Variants in LARGE1 observed in about 807,000 individuals in gnomAD.
LARGE1 encodes LARGE xylosyl- and glucuronyltransferase 1.
LARGE1 carries 43 observed loss-of-function variants against 87.6 expected under a neutral mutation model. The observed-to-expected ratio is 0.49, with a 90% confidence interval of 0.38 to 0.63. LARGE1 has a LOEUF of 0.63. Ranked by LOEUF, LARGE1 falls within the 30% of genes least tolerant of loss-of-function variation. The pLI, the probability that LARGE1 is intolerant of heterozygous loss-of-function variation, is 0.00. For missense variants in LARGE1, 802 were observed against 1,000.2 expected (o/e 0.80, Z 2.67); for synonymous variants, 434 against 394.6 (o/e 1.10, Z -1.18).
intron 2 of LARGE1, among the ~76,000 whole-genome samples, chr22:33,724,570 T>C (rs924286494): frequency 6.6e-6 from 1 of 152,160 alleles, no homozygotes; most frequent in African/African-American, 2.4e-5. Context: ...TGATATAATG[T>C]AGACCAAACT....
At chr22:33,108,148 A>G in the LARGE1 span, among the ~76,000 whole-genome samples, 1 of 152,190 alleles carries the variant, frequency 6.6e-6, no homozygotes, top group African/African-American at 2.4e-5. Context: ...GTAATGCAGC[A>G]CATAAGGCAC....
At chr22:33,583,417 C>T (rs190107803) in intron 5 of LARGE1, among the ~76,000 whole-genome samples, 5 of 152,298 alleles carry the variant, frequency 3.3e-5, no homozygotes, top group Admixed American at 2.6e-4. Flanking sequence ...TACTCATCTA[C>T]CAAGATTCCT....
At chr22:33,171,670 G>A (rs1922579376) in intron 11 of LARGE1, among the ~76,000 whole-genome samples, 1 of 152,236 alleles carries the variant, frequency 6.6e-6, no homozygotes, top group African/African-American at 2.4e-5. Flanking sequence ...TGATAGGCCT[G>A]AGAGTGCGCA....
chr22:33,688,860 T>C (rs867128), intron 2 of LARGE1, among the ~76,000 whole-genome samples: 73,551 of 151,704 alleles, frequency 0.48, 18,728 homozygotes, highest in Middle Eastern at 0.68. Context: ...TTCTGATTGG[T>C]AGGGCACGCT....
At chr22:33,841,308 T>C (rs1377969132) in intron 1 of LARGE1, among the ~76,000 whole-genome samples, 1 of 151,958 alleles carries the variant, frequency 6.6e-6, no homozygotes, top group Non-Finnish European at 1.5e-5. Flanking sequence ...TGACAGAAAA[T>C]CCAACTCAAA....
chr22:33,564,671 C>G (rs980973379), intron 6 of LARGE1, among the ~76,000 whole-genome samples, 177 bp downstream of exon 6: 1 of 152,218 alleles, frequency 6.6e-6, no homozygotes, highest in Non-Finnish European at 1.5e-5. Context: ...CTGTTTTACT[C>G]TATTATTTTT....
intron 11 of LARGE1, among the ~76,000 whole-genome samples, chr22:33,259,347 CAA>C (rs1352003322): frequency 2.9e-5 from 4 of 138,516 alleles, no homozygotes; most frequent in Non-Finnish European, 6.1e-5. Flanking sequence ...CACACACACA[CAA>C]ACACACACAT....
At chr22:33,791,142 G>A (rs1159291013) in intron 1 of LARGE1, among the ~76,000 whole-genome samples, 1 of 152,172 alleles carries the variant, frequency 6.6e-6, no homozygotes, top group Non-Finnish European at 1.5e-5. Flanking sequence ...AATGAGAAAA[G>A]CTCATGAGCG....
At chr22:33,197,479 TATC>T (rs1159629694) in intron 11 of LARGE1, among the ~76,000 whole-genome samples, 1 of 152,060 alleles carries the variant, frequency 6.6e-6, no homozygotes, top group African/African-American at 2.4e-5. Flanking sequence ...TCAATTGTCT[TATC>T]TTCTAGAAAT....
intron 1 of LARGE1, among the ~76,000 whole-genome samples, chr22:33,822,051 T>C (rs2086842233): frequency 1.3e-5 from 2 of 151,094 alleles, no homozygotes; most frequent in South Asian, 2.1e-4. Context: ...CTATAATAAA[T>C]ATATTCTAAA....
chr22:33,803,802 G>C (rs570619756), intron 1 of LARGE1, among the ~76,000 whole-genome samples: 2 of 152,196 alleles, frequency 1.3e-5, no homozygotes, highest in Non-Finnish European at 2.9e-5. Context: ...TTTTCACCCA[G>C]GACTGGTTAG....
chr22:33,601,914 A>G (rs1285140627), intron 5 of LARGE1, among the ~76,000 whole-genome samples: 1 of 152,226 alleles, frequency 6.6e-6, no homozygotes, highest in East Asian at 1.9e-4. Context: ...TGACAGAGTC[A>G]GAGCATCAGT....
intron 9 of LARGE1, among the ~76,000 whole-genome samples, chr22:33,368,329 T>A (rs2064671517): frequency 6.6e-6 from 1 of 151,438 alleles, no homozygotes; most frequent in African/African-American, 2.4e-5. Context: ...AGGTCAAGAG[T>A]TTGAGACCAG....
chr22:33,579,308 G>T (rs1456692670), intron 5 of LARGE1, among the ~76,000 whole-genome samples: 1 of 152,192 alleles, frequency 6.6e-6, no homozygotes, highest in Non-Finnish European at 1.5e-5. Flanking sequence ...TGTAAGATGG[G>T]ACTTGCTCCT....
chr22:33,791,385 C>G (rs2145986383), intron 1 of LARGE1, among the ~76,000 whole-genome samples: 1 of 152,258 alleles, frequency 6.6e-6, no homozygotes. Flanking sequence ...TCAGTAATTT[C>G]CATGGATTAT....
chr22:33,722,473 G>A (rs1432963513), intron 2 of LARGE1, among the ~76,000 whole-genome samples: 1 of 152,154 alleles, frequency 6.6e-6, no homozygotes, highest in Non-Finnish European at 1.5e-5. Flanking sequence ...AAAAATAACA[G>A]TAACAAATAT....
At chr22:33,274,717 A>G in intron 14 of LARGE1, 93 bp from the exon 15 acceptor site, 1 of 1,138,632 alleles carries the variant, frequency 8.8e-7, no homozygotes, top group Non-Finnish European at 1.3e-6. Flanking sequence ...CTAGTGAATG[A>G]ATGACTTGAT....
chr22:33,388,569 AT>A (rs992860804), intron 7 of LARGE1, among the ~76,000 whole-genome samples: 1 of 151,880 alleles, frequency 6.6e-6, no homozygotes, highest in East Asian at 1.9e-4. Context: ...GGCTTTTTAA[AT>A]TTTTTTATTT....
At chr22:33,727,372 G>T (rs2149463920) in intron 2 of LARGE1, 1 of 152,214 alleles carries the variant, frequency 6.6e-6, no homozygotes, top group African/African-American at 2.4e-5. Flanking sequence ...GAGGTAGTAG[G>T]TATTACTCTT....
Sources: gnomAD v4.1 joint callset for allele counts (sites outside exome capture counted in the v4.1 genomes callset) on GRCh38, gnomAD v4.1.1 for gene constraint, MANE v1.5 for transcripts, NCBI Gene and HGNC (gene_info 2026-07-23, HGNC 2026-07-21) for gene names.